Variants in ARRDC4 observed in about 807,000 individuals in gnomAD.
The protein encoded by ARRDC4 is arrestin domain-containing protein 4.
ARRDC4 carries 40 observed loss-of-function variants against 44.6 expected under a neutral mutation model. The ratio of observed to expected loss-of-function variants is 0.90; its 90% CI spans 0.70 to 1.17. ARRDC4 has a LOEUF of 1.17. Ranked by LOEUF, ARRDC4 falls within the 50% of genes most tolerant of loss-of-function variation. The pLI, the probability that ARRDC4 is intolerant of heterozygous loss-of-function variation, is 0.00. For missense variants in ARRDC4, 550 were observed against 559.1 expected, an observed-to-expected ratio of 0.98 and a Z score of 0.16; for synonymous variants, 211 against 221.2, an observed-to-expected ratio of 0.95 and a Z score of 0.41.
Position 97,970,432 on chromosome 15 carries a change from AT to A in ARRDC4, c.1046-151del, listed in dbSNP as rs1899489252. ...TAGTAGTTTAATAAAAGGAGAATCTATTTTTTATTGTAATATGCATAAAACC... is the reference window on the plus strand; with the variant it reads ...TAGTAGTTTAATAAAAGGAGAATCTATTTTTATTGTAATATGCATAAAACC... On this transcript the variant is annotated intron_variant, in intron 6 of 7. Coordinates refer to ENST00000268042, the MANE Select transcript of ARRDC4 (RefSeq NM_183376.3). This position sits in a 1 kb window ranked among gnomAD's most constrained non-coding sequence, Gnocchi z 4.2. Among the ~76,000 whole-genome samples, 1 of 152,180 alleles carries A rather than the reference AT, an allele frequency of 6.6e-6. No individual in the cohort carries two copies. Among genetic ancestry groups the A allele is most frequent in the Non-Finnish European group, 1.5e-5 (1 of 68,012 alleles).
intron 5 of ARRDC4, 78 bp from the exon 6 acceptor site, chr15:97,969,803 AAG>A: frequency 2.3e-6 from 3 of 1,320,612 alleles, no homozygotes; most frequent in Non-Finnish European, 3.1e-6. Context: ...CTATGAAAAA[AAG>A]AAATTAATTG....
chr15:97,966,418 A>G lies in ARRDC4; in HGVS notation c.522+376A>G, dbSNP rs761437569. Among the ~76,000 whole-genome samples, 3 of 152,202 alleles carry G rather than the reference A, an allele frequency of 2.0e-5. No individual in the cohort carries two copies. Among genetic ancestry groups the G allele is most frequent in the Non-Finnish European group, 2.9e-5 (2 of 68,030 alleles). Reference sequence around the variant, plus strand: ...GGGGTATTCTAAACTCCTCAATAATAGCAGGTTGAGGAACAGTAATTATGG... The same window carrying G: ...GGGGTATTCTAAACTCCTCAATAATGGCAGGTTGAGGAACAGTAATTATGG... On this transcript the variant is annotated intron_variant, in intron 3 of 7. Transcript: ENST00000268042. The surrounding 1 kb of genome is among the most constrained non-coding windows in gnomAD (Gnocchi z 4.7).
At position 97,965,547 on chromosome 15, in the gene ARRDC4, T is replaced by C. The variant is rs1899402640; in HGVS notation, c.308-53T>C. The C allele has an allele frequency of 1.4e-6, 2 of 1,428,814 alleles. No homozygotes were observed. The highest frequency in any genetic ancestry group is 2.3e-5 in the South Asian group (2 of 86,228). The allele number at this position is 1,428,814 out of a possible 1,614,324, so 88.5% of individuals were successfully genotyped here. ...AAAAAATTATTTACATTGTGAAAAC[T>C]CTTGATCTAATACTAACTATCCTTC... On this transcript the variant is annotated intron_variant, in intron 1 of 7. Coordinates refer to ENST00000268042, the MANE Select transcript of ARRDC4 (RefSeq NM_183376.3). The surrounding 1 kb of genome is among the most constrained non-coding windows in gnomAD (Gnocchi z 5.1).
At position 97,971,581 on chromosome 15, in the gene ARRDC4, C is replaced by A; in HGVS notation, c.*394C>A. ...GCGATATGAACTGAAGGGGTGAAGA[C>A]TTGATTTTGGAGAGGGCAACAAAAC... On this transcript the variant is annotated 3_prime_UTR_variant, in exon 8 of 8. Transcript: ENST00000268042. 4.6e-6 allele frequency: 1 copy of A among 216,268 alleles called. No homozygotes were observed. The highest frequency in any genetic ancestry group is 5.2e-5 in the Admixed American group (1 of 19,106). The allele number at this position is 216,268 out of a possible 1,614,324, so 13.4% of individuals were successfully genotyped here.
At position 97,970,188 on chromosome 15, in the gene ARRDC4, G is replaced by T; in HGVS notation, c.1045+143G>T. The T allele has an allele frequency of 1.0e-6, 1 of 994,162 alleles. No homozygotes were observed. Among genetic ancestry groups the T allele is most frequent in the South Asian group, 2.4e-5 (1 of 40,840 alleles). 61.6% of individuals were successfully genotyped at this position (994,162 alleles called of 1,614,324 possible). On this transcript the variant is annotated intron_variant, in intron 6 of 7. Transcript: ENST00000268042. The surrounding 1 kb of genome is among the most constrained non-coding windows in gnomAD (Gnocchi z 4.2). ...ATTCCTACTACTAAAAAATCAGAAA[G>T]CATTAGTCCTGGGAGGGACTTTGAA... is the stretch of plus-strand genomic sequence containing the variant.
Position 97,971,325 on chromosome 15 carries a change from G to T in ARRDC4, c.*138G>T. The T allele has an allele frequency of 4.6e-6, 4 of 877,040 alleles. No individual in the cohort carries two copies. In the Admixed American group the frequency reaches 7.5e-5, roughly 16 times the overall value. The allele number at this position is 877,040 out of a possible 1,614,324, so 54.3% of individuals were successfully genotyped here. ...AAGACTGAAGGCAATAGAAATTAAA[G>T]AATGTGAGAAAGTTCTGGTGGGCCG... On this transcript the variant is annotated 3_prime_UTR_variant, in exon 8 of 8. Coordinates refer to ENST00000268042, the MANE Select transcript of ARRDC4 (RefSeq NM_183376.3).
intron 1 of ARRDC4, among the ~76,000 whole-genome samples, chr15:97,961,762 T>C (rs965898184): frequency 1.3e-5 from 2 of 152,158 alleles, no homozygotes; most frequent in Non-Finnish European, 2.9e-5. Context: ...ATACTGCTGC[T>C]GTTTCCTCCG....
At position 97,967,722 on chromosome 15, in the gene ARRDC4, T is replaced by TA. The variant is rs202060432; in HGVS notation, c.523-285dup. ...CCTAATACAGCTTTTGATTTTTTTT[T>TA]AAAAAAATGGTATATTATTTCCTGG... On this transcript the variant is annotated intron_variant, in intron 3 of 7. Coordinates refer to ENST00000268042, the MANE Select transcript of ARRDC4 (RefSeq NM_183376.3). The surrounding 1 kb of genome is among the most constrained non-coding windows in gnomAD (Gnocchi z 5.0). Among the ~76,000 whole-genome samples, 810 of 151,886 alleles carry TA rather than the reference T, an allele frequency of 5.3e-3. 9 individuals carry two copies. In the Middle Eastern group the frequency reaches 0.059, roughly 11 times the overall value.
At position 97,969,993 on chromosome 15, in the gene ARRDC4, G is replaced by T; in HGVS notation, c.993G>T (p.Gln331His). ...FGSRNSSIAS[Q>H]FSMDMSWLTL... is the part of the protein sequence containing the mutation. ...GCAGAAACTCCAGCATTGCCAGCCA[G>T]TTCAGTATGGATATGAGCTGGTTGA... Residue 331 changes from glutamine (Q) to histidine (H), a missense_variant, in exon 6 of 8, where the codon CAG (glutamine) becomes CAT (histidine). By Grantham distance (24) the Gln-to-His change is conservative. Transcript: ENST00000268042. 6 of 1,613,262 alleles carry T rather than the reference G, an allele frequency of 3.7e-6. No individual in the cohort carries two copies. Among genetic ancestry groups the T allele is most frequent in the Non-Finnish European group, 5.1e-6 (6 of 1,179,556 alleles).
chr15:97,972,957 G>C lies in ARRDC4; in HGVS notation c.*1770G>C, dbSNP rs1217403360. 6.6e-6 allele frequency: 1 copy of C among 152,502 alleles called. No individual in the cohort carries two copies. The highest frequency in any genetic ancestry group is 1.9e-4 in the East Asian group (1 of 5,194). 9.4% of individuals were successfully genotyped at this position (152,502 alleles called of 1,614,324 possible). A position where few individuals can be genotyped will look rare whatever the true frequency, so the allele number is the denominator to read the frequency against. ...ATTTAAATTCCCACAATGCAAAACTGTTAGACCAGTAATTGTGCTACTGAA... is the reference window on the plus strand; with the variant it reads ...ATTTAAATTCCCACAATGCAAAACTCTTAGACCAGTAATTGTGCTACTGAA... On this transcript the variant is annotated 3_prime_UTR_variant, in exon 8 of 8. Coordinates refer to ENST00000268042, the MANE Select transcript of ARRDC4 (RefSeq NM_183376.3). The surrounding 1 kb of genome is among the most constrained non-coding windows in gnomAD (Gnocchi z 5.3).
At chr15:97,969,439 T>G in intron 5 of ARRDC4, 60 bp downstream of exon 5, 1 of 1,576,640 alleles carries the variant, frequency 6.3e-7, no homozygotes, top group East Asian at 2.2e-5. Flanking sequence ...GATGTCATGT[T>G]ACTGTGGGTA....
At chr15:97,963,497 T>C (rs956917381) in intron 1 of ARRDC4, among the ~76,000 whole-genome samples, 1 of 152,252 alleles carries the variant, frequency 6.6e-6, no homozygotes, top group Non-Finnish European at 1.5e-5. Context: ...TTCATGTCTC[T>C]CATTCTCTTC....
At chr15:97,964,240 T>A (rs1159422975) in intron 1 of ARRDC4, among the ~76,000 whole-genome samples, 1 of 152,236 alleles carries the variant, frequency 6.6e-6, no homozygotes, top group African/African-American at 2.4e-5. Flanking sequence ...TCTATTTTTT[T>A]ATTTAAGGGA....
chr15:97,970,853 A>T lies in ARRDC4; in HGVS notation c.1200+110A>T. On this transcript the variant is annotated intron_variant, in intron 7 of 7. Coordinates refer to ENST00000268042, the MANE Select transcript of ARRDC4 (RefSeq NM_183376.3). The surrounding 1 kb of genome is among the most constrained non-coding windows in gnomAD (Gnocchi z 4.2). ...TGCTGACTCATAATTAGTAAGGGAT[A>T]CATTTAAATTTGTTTATACAGTGGT... is the stretch of plus-strand genomic sequence containing the variant. 7.7e-7 allele frequency: 1 copy of T among 1,303,574 alleles called. No homozygotes were observed. The highest frequency in any genetic ancestry group is 1.5e-5 in the African/African-American group (1 of 67,372). 80.8% of individuals were successfully genotyped at this position (1,303,574 alleles called of 1,614,324 possible).
Position 97,971,389 on chromosome 15 carries a change from A to G in ARRDC4, c.*202A>G. 2 of 558,022 alleles carry G rather than the reference A, an allele frequency of 3.6e-6. No homozygotes were observed. Among genetic ancestry groups the G allele is most frequent in the Non-Finnish European group, 6.4e-6 (2 of 313,110 alleles). The allele number at this position is 558,022 out of a possible 1,614,324, so 34.6% of individuals were successfully genotyped here. A position where few individuals can be genotyped will look rare whatever the true frequency, so the allele number is the denominator to read the frequency against. ...ACAAGTTTATATGATGGTCGTATAT[A>G]TATCCCTGTTAAAAACTGGGATGAA... On this transcript the variant is annotated 3_prime_UTR_variant, in exon 8 of 8. Transcript: ENST00000268042.
chr15:97,964,395 C>T lies in ARRDC4; in HGVS notation c.308-1205C>T, dbSNP rs113158065. 1.3e-3 allele frequency among the ~76,000 whole-genome samples: 204 copies of T among 152,112 alleles called. 4 individuals are homozygous for T. The highest frequency in any genetic ancestry group is 5.6e-4 in the Non-Finnish European group (38 of 68,004). Reference sequence around the variant, plus strand: ...TTCCGATTTCTTCATCTTATTTATCCTATCCACAATAAGGGAATTCAATAT... The same window carrying T: ...TTCCGATTTCTTCATCTTATTTATCTTATCCACAATAAGGGAATTCAATAT... On this transcript the variant is annotated intron_variant, in intron 1 of 7. Coordinates refer to ENST00000268042, the MANE Select transcript of ARRDC4 (RefSeq NM_183376.3).
At chr15:97,961,408 AG>A (rs1471532446) in intron 1 of ARRDC4, among the ~76,000 whole-genome samples, 2 of 152,052 alleles carry the variant, frequency 1.3e-5, no homozygotes, top group Non-Finnish European at 2.9e-5. Context: ...GGGATTTTCT[AG>A]GACCGCGACG....
Position 97,965,598 on chromosome 15 carries a change from A to T in ARRDC4, c.308-2A>T. On this transcript the variant is annotated splice_acceptor_variant, in intron 1 of 7. Coordinates refer to ENST00000268042, the MANE Select transcript of ARRDC4 (RefSeq NM_183376.3). LOFTEE classifies it high-confidence loss of function. The surrounding 1 kb of genome is among the most constrained non-coding windows in gnomAD (Gnocchi z 5.1). ...ATTAAAATAAAATACAATCTCTTATAGGTGAAGGCATCATTTTATTACAGC... is the reference window on the plus strand; with the variant it reads ...ATTAAAATAAAATACAATCTCTTATTGGTGAAGGCATCATTTTATTACAGC... 1 of 1,602,610 alleles carries T rather than the reference A, an allele frequency of 6.2e-7. No individual in the cohort carries two copies. The highest frequency in any genetic ancestry group is 8.5e-7 in the Non-Finnish European group (1 of 1,169,606).
rs991452406 is a variant in ARRDC4, at chr15:97,966,328, T to A, written c.522+286T>A. Among the ~76,000 whole-genome samples the A allele has an allele frequency of 2.0e-5, 3 of 152,240 alleles. No homozygotes were observed. The highest frequency in any genetic ancestry group is 7.2e-5 in the African/African-American group (3 of 41,462). ...CAGGCTTGAAATGCATTAATAAGGCTTAATAACAATAATGCACACACAGAG... is the reference window on the plus strand; with the variant it reads ...CAGGCTTGAAATGCATTAATAAGGCATAATAACAATAATGCACACACAGAG... On this transcript the variant is annotated intron_variant, in intron 3 of 7. Transcript: ENST00000268042. This position sits in a 1 kb window ranked among gnomAD's most constrained non-coding sequence, Gnocchi z 4.7.
Sources: gnomAD v4.1 joint callset for allele counts (sites outside exome capture counted in the v4.1 genomes callset) on GRCh38, gnomAD v4.1.1 for gene constraint, Gnocchi (gnomAD v3.1) non-coding constraint, MANE v1.5 for transcripts, NCBI Gene and HGNC (gene_info 2026-07-23, HGNC 2026-07-21) for gene names.